Variants in SYNPO2 observed in about 807,000 individuals in gnomAD.
SYNPO2 encodes synaptopodin 2.
A neutral mutation model predicts 85.0 loss-of-function variants in SYNPO2; 56 were observed. The observed-to-expected ratio is 0.66, with a 90% confidence interval of 0.53 to 0.82. The LOEUF is 0.82. Among genes scored for constraint, SYNPO2 ranks in the 40% least tolerant of loss-of-function variants. The pLI is 0.00. For synonymous variants in SYNPO2, 602 were observed against 591.1 expected, an observed-to-expected ratio of 1.02 and a Z score of -0.27; for missense variants, 1,575 against 1,534.2, an observed-to-expected ratio of 1.03 and a Z score of -0.44.
chr4:118,994,317 C>T (rs1446429794), intron 1 of SYNPO2, among the ~76,000 whole-genome samples: 1 of 152,248 alleles, frequency 6.6e-6, no homozygotes, highest in Non-Finnish European at 1.5e-5. Flanking sequence ...ACAAGCCAGG[C>T]ATGTGACCAC....
intron 1 of SYNPO2, among the ~76,000 whole-genome samples, chr4:118,900,052 G>A (rs1015495576): frequency 7.9e-5 from 12 of 152,130 alleles, no homozygotes; most frequent in African/African-American, 2.7e-4. Context: ...GTGAGCCACC[G>A]CACCCGGCCT....
intron 1 of SYNPO2, among the ~76,000 whole-genome samples, chr4:118,860,982 T>G (rs1226976322): frequency 1.3e-5 from 2 of 152,234 alleles, no homozygotes; most frequent in Non-Finnish European, 2.9e-5. Context: ...TTCCATAGGT[T>G]GTCTCTTCAC....
chr4:119,055,153 AT>A (rs1223824240), intron 4 of SYNPO2, among the ~76,000 whole-genome samples: 1 of 145,598 alleles, frequency 6.9e-6, no homozygotes, highest in East Asian at 2.0e-4. Context: ...TTATTTATTT[AT>A]TTATTTTTTT....
At chr4:118,865,193 A>G (rs1430087304) in intron 1 of SYNPO2, among the ~76,000 whole-genome samples, 1 of 152,172 alleles carries the variant, frequency 6.6e-6, no homozygotes, top group Non-Finnish European at 1.5e-5. Context: ...CAAGTGTTGG[A>G]ATAGCTACGC....
At chr4:119,007,832 A>T (rs1037632860) in intron 1 of SYNPO2, among the ~76,000 whole-genome samples, 2 of 152,178 alleles carry the variant, frequency 1.3e-5, no homozygotes, top group African/African-American at 4.8e-5. Context: ...ACATCATCTC[A>T]TACCTTTGCT....
intron 1 of SYNPO2, among the ~76,000 whole-genome samples, chr4:118,977,044 C>T (rs957892850): frequency 2.6e-5 from 4 of 152,226 alleles, no homozygotes; most frequent in Non-Finnish European, 5.9e-5. Context: ...CGGCGCCGTG[C>T]GCTCGCATTC....
intron 4 of SYNPO2, chr4:119,038,319 A>G (rs1407243913): frequency 6.1e-6 from 6 of 985,210 alleles, no homozygotes; most frequent in African/African-American, 3.5e-5. Flanking sequence ...GCTATGACGC[A>G]TGTTGAAAGT....
At chr4:118,975,551 G>A (rs1372665608) in intron 1 of SYNPO2, among the ~76,000 whole-genome samples, 3 of 152,176 alleles carry the variant, frequency 2.0e-5, no homozygotes, top group Non-Finnish European at 4.4e-5. Context: ...TCAAGAGCAG[G>A]ACTTTCACCC....
chr4:118,999,407 C>T (rs1216855993), intron 1 of SYNPO2, among the ~76,000 whole-genome samples: 1 of 152,122 alleles, frequency 6.6e-6, no homozygotes, highest in African/African-American at 2.4e-5. Context: ...CTGCTTCAGC[C>T]TCCCAAAGCG....
chr4:118,852,210 G>GA (rs1399661970), intron 1 of SYNPO2, among the ~76,000 whole-genome samples: 1 of 152,078 alleles, frequency 6.6e-6, no homozygotes, highest in African/African-American at 2.4e-5. Context: ...TTGTTAAAGA[G>GA]AAAAAATAAC....
intron 1 of SYNPO2, among the ~76,000 whole-genome samples, chr4:118,872,281 T>A (rs1731817330): frequency 6.6e-6 from 1 of 152,134 alleles, no homozygotes; most frequent in Admixed American, 6.5e-5. Flanking sequence ...GTGACACTAT[T>A]TTAAAATCAA....
chr4:118,957,075 A>T (rs1001699691), intron 1 of SYNPO2, among the ~76,000 whole-genome samples: 1 of 151,840 alleles, frequency 6.6e-6, no homozygotes, highest in South Asian at 2.1e-4. Flanking sequence ...AAAAAATAAA[A>T]AAAAGTGACA....
intron 4 of SYNPO2, chr4:119,036,448 T>C (rs1013054640): frequency 3.0e-6 from 3 of 985,334 alleles, no homozygotes; most frequent in Non-Finnish European, 2.4e-6. Flanking sequence ...GTTGCCGAGT[T>C]AGTCAACAAT....
chr4:119,013,742 A>G (rs1399587509), intron 1 of SYNPO2, among the ~76,000 whole-genome samples: 2 of 152,248 alleles, frequency 1.3e-5, no homozygotes, highest in Non-Finnish European at 2.9e-5. Context: ...AAATGTGTCA[A>G]CATTTGAAAG....
intron 1 of SYNPO2, among the ~76,000 whole-genome samples, chr4:118,920,569 A>T (rs1733500137): frequency 6.6e-6 from 1 of 152,186 alleles, no homozygotes; most frequent in South Asian, 2.1e-4. Flanking sequence ...TCCACCATGG[A>T]ACAGAGGAAA....
intron 1 of SYNPO2, among the ~76,000 whole-genome samples, chr4:118,871,942 C>G (rs1467381542): frequency 6.6e-6 from 1 of 152,140 alleles, no homozygotes; most frequent in Non-Finnish European, 1.5e-5. Flanking sequence ...AGCCTGTGAC[C>G]TGTTGAGAGC....
At chr4:118,908,313 C>T (rs1308767885) in intron 1 of SYNPO2, among the ~76,000 whole-genome samples, 1 of 151,992 alleles carries the variant, frequency 6.6e-6, no homozygotes, top group African/African-American at 2.4e-5. Context: ...ACTTGTTACT[C>T]ATTATATTGG....
chr4:119,061,008 T>C lies in SYNPO2; in HGVS notation c.*3074T>C, dbSNP rs891904204. 2 of 152,144 alleles carry C rather than the reference T, an allele frequency of 1.3e-5. No homozygotes were observed. Among genetic ancestry groups the C allele is most frequent in the Non-Finnish European group, 2.9e-5 (2 of 68,012 alleles). The allele number at this position is 152,144 out of a possible 1,614,324, so 9.4% of individuals were successfully genotyped here. A position where few individuals can be genotyped will look rare whatever the true frequency, so the allele number is the denominator to read the frequency against. On this transcript the variant is annotated 3_prime_UTR_variant, in exon 5 of 5. Coordinates refer to ENST00000307142, the MANE Select transcript of SYNPO2 (RefSeq NM_133477.3). The stretch of plus-strand genomic sequence containing the variant: ...AAGTTATATCAAACAGGCACAGTTA[T>C]TACAACTAGAGAGAAATTCCAGAAA...
At chr4:118,935,025 C>G (rs1274471316) in intron 1 of SYNPO2, among the ~76,000 whole-genome samples, 1 of 152,138 alleles carries the variant, frequency 6.6e-6, no homozygotes, top group East Asian at 1.9e-4. Context: ...GCTGCTTTCT[C>G]CAGGCTCAAT....
Sources: allele counts gnomAD v4.1 joint callset (sites outside exome capture counted in the v4.1 genomes callset), GRCh38; gene constraint gnomAD v4.1.1; transcripts MANE v1.5; gene names NCBI Gene and HGNC (gene_info 2026-07-23, HGNC 2026-07-21).